Variants in GRM8 observed in about 807,000 individuals in gnomAD.
GRM8 encodes glutamate metabotropic receptor 8.
Under a neutral mutation model 87.2 loss-of-function variants are expected in GRM8, and 47 were observed. The ratio of observed to expected loss-of-function variants is 0.54; its 90% CI spans 0.43 to 0.69. The LOEUF (loss-of-function observed/expected upper bound fraction) is 0.69. Ranked by LOEUF, GRM8 falls within the 30% of genes least tolerant of loss-of-function variation. GRM8 has a pLI of 0.00. For missense variants in GRM8, 1,019 were observed against 1,139.2 expected, an observed-to-expected ratio of 0.89 and a Z score of 1.52; for synonymous variants, 396 against 404.5, an observed-to-expected ratio of 0.98 and a Z score of 0.25.
At chr7:127,142,987 C>G (rs1172918789) in intron 2 of GRM8, among the ~76,000 whole-genome samples, 2 of 152,092 alleles carry the variant, frequency 1.3e-5, no homozygotes, top group African/African-American at 2.4e-5. Context: ...TCCACCACTC[C>G]AAGGAGAGAA....
In GRM8 at chr7:127,242,938, G is replaced by A; in HGVS notation, c.267C>T (p.Asp89=). ...GAGTGATGTTGGAAAGGAGATCAGGGTCCTTGTTAATCTGGTCAATTGCAT... is the reference window on the plus strand; with the variant it reads ...GAGTGATGTTGGAAAGGAGATCAGGATCCTTGTTAATCTGGTCAATTGCAT... ...MLYAIDQINK[D]PDLLSNITLG... Residue 89 remains aspartate, a synonymous_variant, in exon 2 of 11, where the codon GAC becomes GAT. Transcript: ENST00000339582. 6.2e-7 allele frequency: 1 copy of A among 1,614,174 alleles called. No individual in the cohort carries two copies. The highest frequency in any genetic ancestry group is 8.5e-7 in the Non-Finnish European group (1 of 1,180,012).
intron 7 of GRM8, among the ~76,000 whole-genome samples, chr7:126,689,497 T>A (rs1808564323): frequency 6.6e-6 from 1 of 152,220 alleles, no homozygotes; most frequent in Admixed American, 6.5e-5. Flanking sequence ...CTGAGTAGCC[T>A]CAATTTCTCA....
At chr7:126,691,374 T>G (rs1808789374) in intron 7 of GRM8, among the ~76,000 whole-genome samples, 1 of 152,234 alleles carries the variant, frequency 6.6e-6, no homozygotes, top group East Asian at 1.9e-4. Context: ...AGCAGGTACT[T>G]CTGATCCTGC....
At chr7:126,749,006 C>T (rs1218648406) in intron 7 of GRM8, among the ~76,000 whole-genome samples, 1 of 152,044 alleles carries the variant, frequency 6.6e-6, no homozygotes, top group Admixed American at 6.6e-5. Flanking sequence ...TACCACAGTA[C>T]CTCACACCTG....
intron 8 of GRM8, among the ~76,000 whole-genome samples, chr7:126,572,867 C>T (rs1168837025): frequency 6.6e-6 from 1 of 152,040 alleles, no homozygotes. Context: ...GAAGTGACAT[C>T]CTAAGGGGGT....
At chr7:126,720,522 T>C (rs984665863) in intron 7 of GRM8, among the ~76,000 whole-genome samples, 2 of 152,160 alleles carry the variant, frequency 1.3e-5, no homozygotes, top group Non-Finnish European at 2.9e-5. Flanking sequence ...TATGTGAATA[T>C]AATGAAAGCA....
At chr7:127,058,129 G>A in intron 3 of GRM8, 1 of 520,254 alleles carries the variant, frequency 1.9e-6, no homozygotes, top group Non-Finnish European at 3.9e-6. Context: ...ACCACGTGAT[G>A]ACGCTGTGCC....
chr7:127,025,110 A>G (rs1816649333), intron 3 of GRM8, among the ~76,000 whole-genome samples: 1 of 152,098 alleles, frequency 6.6e-6, no homozygotes, highest in Admixed American at 6.6e-5. Flanking sequence ...CTTCTCAGCC[A>G]CTTGAGCCTA....
chr7:127,117,215 G>C (rs779927957), intron 2 of GRM8, among the ~76,000 whole-genome samples: 1 of 152,184 alleles, frequency 6.6e-6, no homozygotes, highest in Non-Finnish European at 1.5e-5. Context: ...TTTGGGATAG[G>C]ACTTCAAGCT....
chr7:126,709,334 G>C (rs1284475722), intron 7 of GRM8, among the ~76,000 whole-genome samples: 1 of 152,132 alleles, frequency 6.6e-6, no homozygotes, highest in African/African-American at 2.4e-5. Context: ...GAAGTGGGAG[G>C]ATTGTGTCAG....
intron 3 of GRM8, among the ~76,000 whole-genome samples, chr7:127,003,066 C>A (rs1175363917): frequency 6.6e-6 from 1 of 151,664 alleles, no homozygotes; most frequent in Admixed American, 6.6e-5. Context: ...CTGCCAGGGA[C>A]ACTTAACTTT....
chr7:126,698,207 C>A (rs1809579539), intron 7 of GRM8, among the ~76,000 whole-genome samples: 1 of 152,052 alleles, frequency 6.6e-6, no homozygotes, highest in Non-Finnish European at 1.5e-5. Flanking sequence ...TCTGGTGAAA[C>A]CCTCACAATT....
At chr7:127,198,458 C>T (rs183121453) in intron 2 of GRM8, among the ~76,000 whole-genome samples, 34 of 152,244 alleles carry the variant, frequency 2.2e-4, no homozygotes, top group Non-Finnish European at 4.0e-4. Flanking sequence ...TGGTGCATCT[C>T]CTTGTACAGC....
chr7:126,749,092 G>A (rs1468778321), intron 7 of GRM8, among the ~76,000 whole-genome samples: 1 of 151,972 alleles, frequency 6.6e-6, no homozygotes, highest in African/African-American at 2.4e-5. Flanking sequence ...TGGCCAACAT[G>A]ATGAAACCTC....
chr7:126,990,555 G>A (rs1219769924), intron 3 of GRM8, among the ~76,000 whole-genome samples: 1 of 152,234 alleles, frequency 6.6e-6, no homozygotes, highest in African/African-American at 2.4e-5. Flanking sequence ...ATAGCTTGAT[G>A]TGGGAATAAA....
chr7:126,612,024 C>T, intron 7 of GRM8, among the ~76,000 whole-genome samples: 1 of 152,138 alleles, frequency 6.6e-6, no homozygotes. Flanking sequence ...CCCTCTGTCA[C>T]TTATTGATGT....
At chr7:126,691,574 T>C (rs1216220136) in intron 7 of GRM8, among the ~76,000 whole-genome samples, 2 of 152,158 alleles carry the variant, frequency 1.3e-5, no homozygotes, top group Non-Finnish European at 2.9e-5. Flanking sequence ...GCCAGTGTCA[T>C]GGCAACAGCC....
intron 2 of GRM8, among the ~76,000 whole-genome samples, chr7:127,140,167 C>T (rs949827563): frequency 6.6e-6 from 1 of 152,098 alleles, no homozygotes; most frequent in Admixed American, 6.6e-5. Context: ...TAATCTATTT[C>T]AGCTTTTCTC....
At chr7:126,614,065 G>A (rs894401552) in intron 7 of GRM8, among the ~76,000 whole-genome samples, 1 of 152,288 alleles carries the variant, frequency 6.6e-6, no homozygotes, top group South Asian at 2.1e-4. Flanking sequence ...ATCTGAGAAC[G>A]GACAGACTGC....
Sources: gnomAD v4.1 joint callset for allele counts (sites outside exome capture counted in the v4.1 genomes callset) on GRCh38, gnomAD v4.1.1 for gene constraint, MANE v1.5 for transcripts, NCBI Gene and HGNC (gene_info 2026-07-23, HGNC 2026-07-21) for gene names.